PRKCE: variants seen among roughly 807,000 people sequenced by gnomAD.
The protein encoded by PRKCE is protein kinase C epsilon.
In PRKCE, 16 loss-of-function variants were observed where a neutral mutation model predicts 85.4. The observed-to-expected ratio is 0.19, with a 90% CI of 0.13 to 0.28. The LOEUF (loss-of-function observed/expected upper bound fraction) is 0.28. Among genes scored for constraint, PRKCE ranks in the 10% least tolerant of loss-of-function variants. The probability of loss-of-function intolerance (pLI) is 1.00; values close to 1 mark genes in which losing one functional copy is unlikely to be tolerated. For synonymous variants in PRKCE, 388 were observed against 371.5 expected (o/e 1.04, Z -0.51); for missense variants, 573 against 975.2 (o/e 0.59, Z 5.49).
At chr2:45,788,136 T>A (rs1686758289) in intron 1 of PRKCE, among the ~76,000 whole-genome samples, 1 of 152,218 alleles carries the variant, frequency 6.6e-6, no homozygotes, top group Admixed American at 6.5e-5. Context: ...TGTCTCCTAC[T>A]GAAGTCTGTG....
intron 1 of PRKCE, among the ~76,000 whole-genome samples, chr2:45,673,071 A>G (rs1676254789): frequency 6.6e-6 from 1 of 152,136 alleles, no homozygotes; most frequent in Admixed American, 6.5e-5. Context: ...AACCACAGTG[A>G]GAGATTTTTT....
intron 1 of PRKCE, among the ~76,000 whole-genome samples, chr2:45,657,921 C>T (rs545494650): frequency 6.6e-6 from 1 of 152,186 alleles, no homozygotes; most frequent in Non-Finnish European, 1.5e-5. Context: ...TTCTGATGCC[C>T]CGAATGGAGC....
intron 1 of PRKCE, among the ~76,000 whole-genome samples, chr2:45,772,043 T>A (rs1685380132): frequency 6.6e-6 from 1 of 152,044 alleles, no homozygotes. Context: ...CTTGGAGATG[T>A]GATTGTTCCC....
At chr2:46,097,468 C>A (rs1048131470) in intron 11 of PRKCE, among the ~76,000 whole-genome samples, 1 of 148,414 alleles carries the variant, frequency 6.7e-6, no homozygotes, top group East Asian at 2.0e-4. Context: ...TGCAGTGAGC[C>A]GAGATCACAC....
intron 5 of PRKCE, 140 bp from the exon 6 acceptor site, chr2:45,984,411 C>A: frequency 1.7e-6 from 2 of 1,196,408 alleles, no homozygotes; most frequent in Non-Finnish European, 2.3e-6. Flanking sequence ...CACCTCAGGG[C>A]AGCTTTTAGA....
intron 2 of PRKCE, among the ~76,000 whole-genome samples, chr2:45,901,743 T>C (rs1186616129): frequency 1.3e-5 from 2 of 152,228 alleles, no homozygotes; most frequent in Non-Finnish European, 2.9e-5. Flanking sequence ...TAACTCAGTC[T>C]TGGGGTAGAA....
chr2:46,115,578 T>TA (rs534052588), intron 11 of PRKCE, among the ~76,000 whole-genome samples: 112 of 152,374 alleles, frequency 7.4e-4, no homozygotes, highest in African/African-American at 2.6e-3. Context: ...GCTGTGTATA[T>TA]ACAACATGGT....
chr2:45,701,975 C>T (rs593743), intron 1 of PRKCE, among the ~76,000 whole-genome samples: 1 of 152,152 alleles, frequency 6.6e-6, no homozygotes, highest in South Asian at 2.1e-4. Context: ...GATCACCTGA[C>T]GTCAGGAGTT....
intron 1 of PRKCE, among the ~76,000 whole-genome samples, chr2:45,750,954 C>T (rs1218167395): frequency 6.6e-6 from 1 of 152,192 alleles, no homozygotes; most frequent in East Asian, 1.9e-4. Flanking sequence ...CTCTTCATCT[C>T]AAGACCCTTC....
At chr2:45,970,031 G>C (rs1482335723) in intron 2 of PRKCE, among the ~76,000 whole-genome samples, 1 of 152,150 alleles carries the variant, frequency 6.6e-6, no homozygotes, top group African/African-American at 2.4e-5. Flanking sequence ...ATAGCTTTTA[G>C]TTTGTTTAAT....
intron 1 of PRKCE, among the ~76,000 whole-genome samples, chr2:45,657,074 G>T (rs666334): frequency 1.3e-5 from 2 of 151,966 alleles, no homozygotes; most frequent in African/African-American, 4.8e-5. Flanking sequence ...TAGCTGGCTC[G>T]TTCACATTTT....
Position 45,984,728 on chromosome 2 carries a change from T to A in PRKCE, c.823+48T>A, listed in dbSNP as rs548740675. ...CTCAGCCCCTGCATGTCCCCTTCCT[T>A]GCTGCCTGCCCCCATCCCTGCTTTA... On this transcript the variant is annotated intron_variant, in intron 6 of 14. Coordinates refer to ENST00000306156, the MANE Select transcript of PRKCE (RefSeq NM_005400.3). 2.5e-6 allele frequency: 4 copies of A among 1,572,016 alleles called. No individual in the cohort carries two copies. The East Asian group carries it at 9.0e-5, about 35-fold the overall frequency.
intron 11 of PRKCE, among the ~76,000 whole-genome samples, chr2:46,089,912 T>C (rs990137218): frequency 2.0e-5 from 3 of 152,146 alleles, no homozygotes; most frequent in African/African-American, 7.2e-5. Flanking sequence ...TTTGCCCCCA[T>C]TGTCCCTAGG....
chr2:45,716,584 AAAGG>A (rs796876261), intron 1 of PRKCE, among the ~76,000 whole-genome samples: 55 of 151,106 alleles, frequency 3.6e-4, no homozygotes, highest in East Asian at 9.7e-4. Flanking sequence ...AGAAAGGAAG[AAAGG>A]AAGGAAGGAA....
At chr2:45,856,912 C>T (rs932894499) in intron 2 of PRKCE, among the ~76,000 whole-genome samples, 5 of 152,174 alleles carry the variant, frequency 3.3e-5, no homozygotes, top group Admixed American at 2.6e-4. Flanking sequence ...AATAATATTC[C>T]ATTGTGCTGA....
rs781645129 is a variant in PRKCE, at chr2:46,004,586, A to G, written c.1011A>G (p.Ser337=). The change falls in exon 8 of 15, where the codon TCA becomes TCG. Residue 337 remains serine, a synonymous_variant. Transcript: ENST00000306156. The surrounding 1 kb of genome is among the most constrained non-coding windows in gnomAD (Gnocchi z 4.1). ...AESPQPASGS[S]PSEEDRSKSA... ...CCCCGCAGCCTGCTTCTGGAAGCTC[A>G]CCATCTGAGGAAGATCGATCCAAGT... is the stretch of plus-strand genomic sequence containing the variant. 22 of 1,591,956 alleles carry G rather than the reference A, an allele frequency of 1.4e-5. No individual in the cohort carries two copies. Among genetic ancestry groups the G allele is most frequent in the East Asian group, 2.2e-5 (1 of 44,736 alleles).
chr2:45,822,476 T>G (rs1197790782), intron 1 of PRKCE, among the ~76,000 whole-genome samples: 1 of 152,248 alleles, frequency 6.6e-6, no homozygotes, highest in African/African-American at 2.4e-5. Flanking sequence ...CGTGGCTGTC[T>G]GCAGATGTGT....
chr2:45,727,095 A>G (rs1384698050), intron 1 of PRKCE, among the ~76,000 whole-genome samples: 1 of 152,192 alleles, frequency 6.6e-6, no homozygotes, highest in Non-Finnish European at 1.5e-5. Context: ...GATGCATGTC[A>G]TAGTACAGTC....
intron 2 of PRKCE, among the ~76,000 whole-genome samples, chr2:45,926,755 C>G (rs985264240): frequency 1.3e-5 from 2 of 152,066 alleles, no homozygotes; most frequent in Admixed American, 6.5e-5. Flanking sequence ...GCCAGAGGCA[C>G]CAAAAACGAT....
Sources: allele counts gnomAD v4.1 joint callset (sites outside exome capture counted in the v4.1 genomes callset), GRCh38; gene constraint gnomAD v4.1.1; non-coding constraint Gnocchi (gnomAD v3.1); transcripts MANE v1.5; gene names NCBI Gene and HGNC (gene_info 2026-07-23, HGNC 2026-07-21).